TJP2: variants seen among roughly 807,000 people sequenced by gnomAD.
The protein encoded by TJP2 is tight junction protein 2, also known as Friedreich ataxia region gene X104 (tight junction protein ZO-2).
A neutral mutation model predicts 133.1 loss-of-function variants in TJP2; 91 were observed. That is an observed-to-expected ratio of 0.68 (90% CI 0.58 to 0.81). The LOEUF (loss-of-function observed/expected upper bound fraction) is 0.81. Among genes scored for constraint, TJP2 ranks in the 40% least tolerant of loss-of-function variants. TJP2 has a pLI of 0.00. For synonymous variants in TJP2, 592 were observed against 583.4 expected, an observed-to-expected ratio of 1.01 and a Z score of -0.21; for missense variants, 1,541 against 1,565.6, an observed-to-expected ratio of 0.98 and a Z score of 0.26.
Position 69,221,074 on chromosome 9 carries a change from G to T in TJP2, c.530G>T (p.Arg177Met). The change falls in exon 5 of 23, where the codon AGG (arginine) becomes ATG (methionine). Residue 177 changes from arginine to methionine, a missense_variant. Coordinates refer to ENST00000377245, the MANE Select transcript of TJP2 (RefSeq NM_004817.4). ...RSRSWEDSPE[R>M]GRPHERARSR... is the part of the protein sequence containing the mutation. The stretch of plus-strand genomic sequence containing the variant: ...CGCAGCTGGGAGGACAGCCCGGAAA[G>T]GGGGCGTCCCCATGAGCGGGCCCGG... 6.3e-7 allele frequency: 1 copy of T among 1,594,458 alleles called. No homozygotes were observed. Among genetic ancestry groups the T allele is most frequent in the South Asian group, 1.1e-5 (1 of 88,666 alleles).
rs1419315500 is a variant in TJP2, at chr9:69,185,191, A to T, written c.60+10759A>T. ...ATTCTCCTGCCTCAGCCTCCCGAGT[A>T]GCTGGGATTACAGGTGGGTGCCACC... On this transcript the variant is annotated intron_variant, in intron 1 of 22. Coordinates refer to ENST00000377245, the MANE Select transcript of TJP2 (RefSeq NM_004817.4). 2.0e-5 allele frequency among the ~76,000 whole-genome samples: 3 copies of T among 151,832 alleles called. No homozygotes were observed. In the East Asian group the frequency reaches 5.8e-4, roughly 29 times the overall value.
At position 69,220,907 on chromosome 9, in the gene TJP2, G is replaced by A. The variant is rs781109950; in HGVS notation, c.363G>A (p.Lys121=). The change falls in exon 5 of 23, where the codon AAG becomes AAA. Residue 121 remains lysine, a synonymous_variant. Transcript: ENST00000377245. Reference sequence around the variant, plus strand: ...AACAGGTGGTCAAGAGGCCCCGGAAGGTCCAGGTGGCCGCACTTCAGGCCA... The same window carrying A: ...AACAGGTGGTCAAGAGGCCCCGGAAAGTCCAGGTGGCCGCACTTCAGGCCA... ...VAAIVVKRPR[K]VQVAALQASP... is the part of the protein sequence containing the mutation. The A allele has an allele frequency of 1.9e-6, 3 of 1,612,342 alleles. No individual in the cohort carries two copies. Among genetic ancestry groups the A allele is most frequent in the Admixed American group, 1.7e-5 (1 of 60,024 alleles).
At chr9:69,198,462 A>T (rs759334846) in intron 1 of TJP2, among the ~76,000 whole-genome samples, 1 of 152,182 alleles carries the variant, frequency 6.6e-6, no homozygotes, top group African/African-American at 2.4e-5. Context: ...ATTCTTTATT[A>T]TCTATTTAAA....
At chr9:69,128,510 G>C (rs533679892) in intron 1 of TJP2, among the ~76,000 whole-genome samples, 1 of 143,826 alleles carries the variant, frequency 7.0e-6, no homozygotes, top group Non-Finnish European at 1.5e-5. Flanking sequence ...ATTTTTTCAT[G>C]TGCTTATTAG....
Position 69,123,406 on chromosome 9 carries a change from C to T in TJP2, c.-131+1681C>T, listed in dbSNP as rs541417623. Among the ~76,000 whole-genome samples the T allele has an allele frequency of 3.3e-4, 25 of 76,892 alleles. 10 individuals carry two copies. The highest frequency in any genetic ancestry group is 6.9e-4 in the Non-Finnish European group (23 of 33,464). The allele number at this position is 76,892 out of a possible 152,430, so 50.4% of individuals were successfully genotyped here. A position where few individuals can be genotyped will look rare whatever the true frequency, so the allele number is the denominator to read the frequency against. Reference sequence around the variant, plus strand: ...CCCATTTCCAGAACTTTTTCATCATCCCAAACAGAAAGCCATTAGAATACC... The same window carrying T: ...CCCATTTCCAGAACTTTTTCATCATTCCAAACAGAAAGCCATTAGAATACC... On this transcript the variant is annotated intron_variant, in intron 1 of 5. Coordinates refer to the TJP2 transcript ENST00000423935.
chr9:69,196,741 A>C (rs913126979), intron 1 of TJP2, among the ~76,000 whole-genome samples: 3 of 152,048 alleles, frequency 2.0e-5, no homozygotes, highest in Non-Finnish European at 4.4e-5. Context: ...TCTTCACCCC[A>C]AAAGGAAACT....
At chr9:69,236,865 A>C in intron 13 of TJP2, 84 bp from the exon 14 acceptor site, 1 of 1,498,120 alleles carries the variant, frequency 6.7e-7, no homozygotes, top group Non-Finnish European at 9.3e-7. Context: ...GCTCAGAAGT[A>C]AAATTGACTG....
In TJP2 at chr9:69,230,077, T is replaced by G. The variant is rs1325968914; in HGVS notation, c.1521-5T>G. Reference sequence around the variant, plus strand: ...CTTTCCTTTCTGAAACGGAACCTATTGCAGCCCTAATACCAAAATGGTAAG... The same window carrying G: ...CTTTCCTTTCTGAAACGGAACCTATGGCAGCCCTAATACCAAAATGGTAAG... On this transcript the variant is annotated splice_polypyrimidine_tract_variant and splice_region_variant and intron_variant, in intron 10 of 22. Transcript: ENST00000377245. 2.5e-6 allele frequency: 4 copies of G among 1,614,130 alleles called. No homozygotes were observed. In the East Asian group the frequency reaches 6.7e-5, roughly 27 times the overall value.
chr9:69,181,672 C>T (rs1452749369), intron 1 of TJP2, among the ~76,000 whole-genome samples: 1 of 152,024 alleles, frequency 6.6e-6, no homozygotes, highest in Non-Finnish European at 1.5e-5. Context: ...TAAATTATTT[C>T]CATTGGTTCT....
chr9:69,176,980 G>T (rs913920677), intron 1 of TJP2, among the ~76,000 whole-genome samples: 1 of 152,276 alleles, frequency 6.6e-6, no homozygotes, highest in Non-Finnish European at 1.5e-5. Context: ...TGGGGGCGGG[G>T]TGAAGCGGTA....
At chr9:69,229,577 C>T (rs1209218334) in intron 10 of TJP2, among the ~76,000 whole-genome samples, 4 of 152,270 alleles carry the variant, frequency 2.6e-5, no homozygotes, top group Non-Finnish European at 5.9e-5. Context: ...AACTACGGTG[C>T]CCTGTGGTGA....
intron 4 of TJP2, 27 bp downstream of exon 4, chr9:69,218,386 G>C: frequency 3.8e-6 from 6 of 1,589,142 alleles, no homozygotes; most frequent in Non-Finnish European, 5.2e-6. Flanking sequence ...CTTTCAGCTT[G>C]CCTTAATAGC....
At chr9:69,178,647 C>T (rs1388099368) in intron 1 of TJP2, among the ~76,000 whole-genome samples, 1 of 152,176 alleles carries the variant, frequency 6.6e-6, no homozygotes, top group African/African-American at 2.4e-5. Context: ...TGCTCTTATC[C>T]ACTCAGATCT....
chr9:69,216,985 T>A (rs2133242483), intron 3 of TJP2, among the ~76,000 whole-genome samples: 1 of 64,220 alleles, frequency 1.6e-5, no homozygotes, highest in East Asian at 4.9e-4. Flanking sequence ...AAATTTTTTC[T>A]TTTCTTTTTT....
chr9:69,248,430 T>C, intron 19 of TJP2: 1 of 1,425,472 alleles, frequency 7.0e-7, no homozygotes, highest in Non-Finnish European at 9.2e-7. Flanking sequence ...TCAGAAGAGC[T>C]TGAGGGGTCA....
chr9:69,134,918 G>A (rs950008029), intron 1 of TJP2, among the ~76,000 whole-genome samples: 1 of 151,912 alleles, frequency 6.6e-6, no homozygotes, highest in Admixed American at 6.6e-5. Flanking sequence ...GATGCATTGT[G>A]TATGGAGAGA....
intron 1 of TJP2, among the ~76,000 whole-genome samples, chr9:69,143,199 C>G (rs1823079576): frequency 6.6e-6 from 1 of 152,166 alleles, no homozygotes; most frequent in Admixed American, 6.5e-5. Flanking sequence ...ATAAGAATCA[C>G]TTTGTAAGAG....
chr9:69,212,855 A>C (rs944266657), intron 2 of TJP2, among the ~76,000 whole-genome samples: 5 of 107,958 alleles, frequency 4.6e-5, no homozygotes, highest in Non-Finnish European at 8.6e-5. Context: ...CAGCTAGAAC[A>C]GGTTATGAAA....
In TJP2 at chr9:69,194,703, C is replaced by T. The variant is rs531198331; in HGVS notation, c.61-17845C>T. 3.9e-5 allele frequency among the ~76,000 whole-genome samples: 6 copies of T among 152,218 alleles called. No individual in the cohort carries two copies. In the South Asian group the frequency reaches 1.0e-3, roughly 26 times the overall value. The stretch of plus-strand genomic sequence containing the variant: ...GCTTCTCAAACATTATTTTCCCCGT[C>T]ACCTCCCTGATGGGAGGTGCTTCTC... On this transcript the variant is annotated intron_variant, in intron 1 of 22. Transcript: ENST00000377245.
Sources: gnomAD v4.1 joint callset for allele counts (sites outside exome capture counted in the v4.1 genomes callset) on GRCh38, gnomAD v4.1.1 for gene constraint, MANE v1.5 for transcripts, NCBI Gene and HGNC (gene_info 2026-07-23, HGNC 2026-07-21) for gene names.